The following SHISA2 variants were observed in gnomAD, a reference collection of about 807,000 sequenced individuals.
SHISA2 encodes the protein shisa family member 2, also known as protein shisa-2 homolog.
SHISA2 carries 16 observed loss-of-function variants against 23.8 expected under a neutral mutation model. The observed-to-expected ratio is 0.67, with a 90% CI of 0.46 to 1.02. The LOEUF (loss-of-function observed/expected upper bound fraction) is 1.02, where lower values mean the gene tolerates loss of function less well. Among genes scored for constraint, SHISA2 ranks in the 50% least tolerant of loss-of-function variants. The pLI, the probability that SHISA2 is intolerant of heterozygous loss-of-function variation, is 0.00. For missense variants in SHISA2, 459 were observed against 420.1 expected, an observed-to-expected ratio of 1.09 and a Z score of -0.81; for synonymous variants, 201 against 178.6, an observed-to-expected ratio of 1.13 and a Z score of -1.00.
rs1593750414 is a variant in SHISA2 at position 26,051,362 on chromosome 13, C to A, written c.-387G>T. ...CGAGCCGAATGACCGCTGGGCGCGC[C>A]GCCGCGGACCTGGAGCCAGGGCTCT... On this transcript the variant is annotated 5_prime_UTR_variant, in exon 1 of 2. Transcript: ENST00000319420. Among the ~76,000 whole-genome samples, 1 of 152,226 alleles carries A rather than the reference C, an allele frequency of 6.6e-6. No individual in the cohort carries two copies. Among genetic ancestry groups the A allele is most frequent in the Middle Eastern group, 3.4e-3 (1 of 290 alleles).
intron 1 of SHISA2, among the ~76,000 whole-genome samples, chr13:26,048,023 C>A (rs746194575): frequency 1.3e-5 from 2 of 152,162 alleles, no homozygotes; most frequent in Non-Finnish European, 2.9e-5. Flanking sequence ...TAGTTTCTGG[C>A]GGGGCACGGT....
chr13:26,048,807 T>C (rs1957282204), intron 1 of SHISA2, among the ~76,000 whole-genome samples: 1 of 152,204 alleles, frequency 6.6e-6, no homozygotes, highest in African/African-American at 2.4e-5. Context: ...TTATAGGTAT[T>C]TAACCAAAGG....
At position 26,046,430 on chromosome 13, in the gene SHISA2, A is replaced by C; in HGVS notation, c.*83T>G. The C allele has an allele frequency of 2.1e-4, 288 of 1,401,968 alleles. No individual in the cohort carries two copies. The highest frequency in any genetic ancestry group is 2.6e-4 in the Non-Finnish European group (266 of 1,041,624). 86.8% of individuals were successfully genotyped at this position (1,401,968 alleles called of 1,614,324 possible). A position where few individuals can be genotyped will look rare whatever the true frequency, so the allele number is the denominator to read the frequency against. ...CCAAAGGAATCGTGCCATAAATACC[A>C]CCGACATGTGCGGACTTCCACCTCG... On this transcript the variant is annotated 3_prime_UTR_variant, in exon 2 of 2. Coordinates refer to ENST00000319420, the MANE Select transcript of SHISA2 (RefSeq NM_001007538.2).
At chr13:26,048,336 T>TAA (rs550154396) in intron 1 of SHISA2, among the ~76,000 whole-genome samples, 1 of 152,102 alleles carries the variant, frequency 6.6e-6, no homozygotes, top group African/African-American at 2.4e-5. Context: ...ATTAGTTTCT[T>TAA]AAAAAAATCT....
In SHISA2 at chr13:26,050,670, C is replaced by T. The variant is rs770529814; in HGVS notation, c.306G>A (p.Ala102=). The change falls in exon 1 of 2, where the codon GCG becomes GCA. Residue 102 remains alanine, a synonymous_variant. Transcript: ENST00000319420. ...RQQGAGEPGR[A]DKDGPDGSAV... ...CCGAGCCGTCGGGGCCGTCTTTGTC[C>T]GCCCGGCCAGGCTCGCCAGCGCCCT... 1.7e-5 allele frequency: 24 copies of T among 1,448,948 alleles called. No individual in the cohort carries two copies. The South Asian group carries it at 2.9e-4, about 17-fold the overall frequency. 89.8% of individuals were successfully genotyped at this position (1,448,948 alleles called of 1,614,324 possible).
chr13:26,050,220 C>T (rs1489522943), intron 1 of SHISA2, among the ~76,000 whole-genome samples: 1 of 152,164 alleles, frequency 6.6e-6, no homozygotes, highest in East Asian at 1.9e-4. Context: ...TGAGGAGCTG[C>T]CTTCCTTTCG....
intron 1 of SHISA2, among the ~76,000 whole-genome samples, chr13:26,049,740 A>G (rs1262295144): frequency 1.3e-5 from 2 of 152,116 alleles, no homozygotes; most frequent in Admixed American, 6.5e-5. Context: ...GCCCGAACCC[A>G]GGCTCAGGAT....
intron 1 of SHISA2, among the ~76,000 whole-genome samples, chr13:26,050,007 T>C (rs1213788597): frequency 6.8e-6 from 1 of 148,074 alleles, no homozygotes; most frequent in East Asian, 1.9e-4. Flanking sequence ...ACTCTGGCTT[T>C]GGCAATTTGA....
At position 26,050,756 on chromosome 13, in the gene SHISA2, AGCGCAAC is replaced by A; in HGVS notation, c.213_219del (p.Leu72ThrfsTer87). On this transcript the variant is annotated frameshift_variant, in exon 1 of 2. Transcript: ENST00000319420. LOFTEE classifies it high-confidence loss of function. ...CGCGCCTCGGCGCTGGAGCAGCAGTAGCGCAACGCGCAGCTGCCGCAGCAGATGGTGG... is the reference window on the plus strand; with the variant it reads ...CGCGCCTCGGCGCTGGAGCAGCAGTAGCGCAGCTGCCGCAGCAGATGGTGG... 1 of 1,513,234 alleles carries A rather than the reference AGCGCAAC, an allele frequency of 6.6e-7. No individual in the cohort carries two copies. The highest frequency in any genetic ancestry group is 8.8e-7 in the Non-Finnish European group (1 of 1,139,656). 93.7% of individuals were successfully genotyped at this position (1,513,234 alleles called of 1,614,324 possible). A position where few individuals can be genotyped will look rare whatever the true frequency, so the allele number is the denominator to read the frequency against.
chr13:26,046,648 C>T lies in SHISA2; in HGVS notation c.753G>A (p.Thr251=), dbSNP rs369705662. 202 of 1,614,206 alleles carry T rather than the reference C, an allele frequency of 1.3e-4. No homozygotes were observed. The East Asian group carries it at 1.9e-3, about 15-fold the overall frequency. ...TCATGGGCACAGAGTCGTGCTGCAC[C>T]GTGTACCCCACGTATGGGGGATGCA... ...QYLHPPYVGY[T]VQHDSVPMTA... Residue 251 remains threonine, a synonymous_variant, in exon 2 of 2, where the codon ACG becomes ACA. Transcript: ENST00000319420.
Position 26,046,740 on chromosome 13 carries a change from G to C in SHISA2, c.661C>G (p.Pro221Ala). 1 of 1,614,234 alleles carries C rather than the reference G, an allele frequency of 6.2e-7. No homozygotes were observed. Residue 221 changes from proline (P) to alanine (A), a missense_variant, in exon 2 of 2, where the codon CCC (proline) becomes GCC (alanine). Pro to Ala is a conservative substitution (Grantham distance 27, BLOSUM62 -1). Transcript: ENST00000319420. The stretch of plus-strand genomic sequence containing the variant: ...CAGTTCAGCACAGAGAAATTCGTGG[G>C]CATGTTGACATACACGTTGTTCATG... ...GTMNNVYVNM[P>A]TNFSVLNCQQ... is the part of the protein sequence containing the mutation.
chr13:26,045,592 C>T lies in SHISA2; in HGVS notation c.*921G>A, dbSNP rs996408232. The stretch of plus-strand genomic sequence containing the variant: ...AAATCACTTTGTAATAAGATCTCTA[C>T]ATAAGGTAAAAAAGCACAAAATAGG... On this transcript the variant is annotated 3_prime_UTR_variant, in exon 2 of 2. Coordinates refer to ENST00000319420, the MANE Select transcript of SHISA2 (RefSeq NM_001007538.2). The T allele has an allele frequency of 2.6e-5, 4 of 152,008 alleles. No individual in the cohort carries two copies. The highest frequency in any genetic ancestry group is 2.6e-4 in the Admixed American group (4 of 15,258). The allele number at this position is 152,008 out of a possible 1,614,324, so 9.4% of individuals were successfully genotyped here. A position where few individuals can be genotyped will look rare whatever the true frequency, so the allele number is the denominator to read the frequency against.
At position 26,050,651 on chromosome 13, in the gene SHISA2, C is replaced by T. The variant is rs530163336; in HGVS notation, c.325G>A (p.Gly109Ser). Residue 109 changes from glycine to serine, a missense_variant, in exon 1 of 2, where the codon GGC (glycine) becomes AGC (serine). By Grantham distance (56) the Gly-to-Ser change is moderately conservative. Transcript: ENST00000319420. The stretch of plus-strand genomic sequence containing the variant: ...GCGCAGGCCGCCCTACCTGCCGAGC[C>T]GTCGGGGCCGTCTTTGTCCGCCCGG... ...PGRADKDGPD[G>S]SAVPIYVPFL... The T allele has an allele frequency of 7.4e-4, 1,038 of 1,410,286 alleles. 16 individuals are homozygous for T. The South Asian group carries it at 0.015, about 20-fold the overall frequency. The allele number at this position is 1,410,286 out of a possible 1,614,324, so 87.4% of individuals were successfully genotyped here. A position where few individuals can be genotyped will look rare whatever the true frequency, so the allele number is the denominator to read the frequency against.
Position 26,051,251 on chromosome 13 carries a change from AG to A in SHISA2, c.-277del, listed in dbSNP as rs1408160151. Among the ~76,000 whole-genome samples the A allele has an allele frequency of 3.9e-5, 6 of 152,258 alleles. No homozygotes were observed. Among genetic ancestry groups the A allele is most frequent in the East Asian group, 1.9e-4 (1 of 5,148 alleles). ...ATGGAAATCTCGGGATGCAGTCAGAAGGCCCCCGGGGCTGTCGTCCGGAAGC... is the reference window on the plus strand; with the variant it reads ...ATGGAAATCTCGGGATGCAGTCAGAAGCCCCCGGGGCTGTCGTCCGGAAGC... On this transcript the variant is annotated 5_prime_UTR_variant, in exon 1 of 2. It removes the in-frame stop codon of an upstream open reading frame in the 5' UTR. Coordinates refer to ENST00000319420, the MANE Select transcript of SHISA2 (RefSeq NM_001007538.2).
chr13:26,050,496 C>T, intron 1 of SHISA2, 146 bp downstream of exon 1: 1 of 839,700 alleles, frequency 1.2e-6, no homozygotes, highest in Non-Finnish European at 1.7e-6. Context: ...TAGGGACCCA[C>T]ACCGACCAAA....
Position 26,051,092 on chromosome 13 carries a change from C to T in SHISA2, c.-117G>A. On this transcript the variant is annotated 5_prime_UTR_variant, in exon 1 of 2. Transcript: ENST00000319420. ...TGACTGTCCCGCGGCGCTTTCCGCG[C>T]GGGCCACTCCCCTCTGCCGCGACGC... 1 of 939,220 alleles carries T rather than the reference C, an allele frequency of 1.1e-6. No homozygotes were observed. Among genetic ancestry groups the T allele is most frequent in the Non-Finnish European group, 1.5e-6 (1 of 672,658 alleles). The allele number at this position is 939,220 out of a possible 1,614,324, so 58.2% of individuals were successfully genotyped here.
Position 26,050,968 on chromosome 13 carries a change from C to G in SHISA2, c.8G>C (p.Gly3Ala), listed in dbSNP as rs201323575. Residue 3 changes from glycine to alanine, a missense_variant, in exon 1 of 2, where the codon GGC (glycine) becomes GCC (alanine). Physicochemically the swap from Gly to Ala is moderately conservative, Grantham distance 60. Coordinates refer to ENST00000319420, the MANE Select transcript of SHISA2 (RefSeq NM_001007538.2). ...TGAGGAGACGGACGAGCGGCGAGCGCCCCACATGGCACCACCCTGGGCGCG... is the reference window on the plus strand; with the variant it reads ...TGAGGAGACGGACGAGCGGCGAGCGGCCCACATGGCACCACCCTGGGCGCG... MWGARRSSVSSSW... is the reference protein window; with the variant it reads MWAARRSSVSSSW... 273 of 1,508,300 alleles carry G rather than the reference C, an allele frequency of 1.8e-4. No individual in the cohort carries two copies. The highest frequency in any genetic ancestry group is 5.5e-4 in the Admixed American group (27 of 48,984). 93.4% of individuals were successfully genotyped at this position (1,508,300 alleles called of 1,614,324 possible).
chr13:26,048,462 T>C (rs1957280283), intron 1 of SHISA2, among the ~76,000 whole-genome samples: 1 of 152,198 alleles, frequency 6.6e-6, no homozygotes, highest in South Asian at 2.1e-4. Flanking sequence ...TGTGGAATTC[T>C]ACCCTATGTT....
At chr13:26,050,503 C>CA (rs1957294401) in intron 1 of SHISA2, 139 bp downstream of exon 1, 1 of 894,664 alleles carries the variant, frequency 1.1e-6, no homozygotes, top group African/African-American at 1.8e-5. Context: ...CCACACCGAC[C>CA]AAATAATAAG....
Sources: allele counts gnomAD v4.1 joint callset (sites outside exome capture counted in the v4.1 genomes callset), GRCh38; gene constraint gnomAD v4.1.1; transcripts MANE v1.5; gene names NCBI Gene and HGNC (gene_info 2026-07-23, HGNC 2026-07-21).